The following TNFSF8 variants were observed in gnomAD, a reference collection of about 807,000 sequenced individuals.
TNFSF8 encodes TNF superfamily member 8, also known as tumor necrosis factor ligand superfamily member 8.
A neutral mutation model predicts 22.0 loss-of-function variants in TNFSF8; 4 were observed. The observed-to-expected ratio is 0.18, with a 90% CI of 0.09 to 0.42. TNFSF8 has a LOEUF of 0.42. TNFSF8 is among the 10% of genes least tolerant of loss of function. TNFSF8 has a pLI of 1.00. For synonymous variants in TNFSF8, 106 were observed against 112.5 expected (o/e 0.94, Z 0.37); for missense variants, 233 against 281.8 (o/e 0.83, Z 1.24).
chr9:114,921,149 G>A (rs924792604), intron 1 of TNFSF8, among the ~76,000 whole-genome samples: 1 of 152,146 alleles, frequency 6.6e-6, no homozygotes, highest in South Asian at 2.1e-4. Flanking sequence ...TTTCAGACAT[G>A]GGATGTCAAA....
At chr9:114,908,012 G>C (rs1827805610) in intron 2 of TNFSF8, among the ~76,000 whole-genome samples, 1 of 152,150 alleles carries the variant, frequency 6.6e-6, no homozygotes, top group African/African-American at 2.4e-5. Flanking sequence ...TACCATTTAG[G>C]AATGTTGATT....
intron 2 of TNFSF8, among the ~76,000 whole-genome samples, chr9:114,914,721 G>A (rs1827897052): frequency 6.6e-6 from 1 of 151,868 alleles, no homozygotes. Context: ...CTGTCTTCTG[G>A]GTGAGAAAAC....
chr9:114,896,052 A>G (rs1018614686), intron 4 of TNFSF8, among the ~76,000 whole-genome samples: 10 of 152,244 alleles, frequency 6.6e-5, no homozygotes, highest in Non-Finnish European at 1.5e-4. Flanking sequence ...TTGCATAAGC[A>G]GCAGACAAGG....
chr9:114,905,618 A>G (rs924718243), intron 3 of TNFSF8, among the ~76,000 whole-genome samples: 1 of 152,196 alleles, frequency 6.6e-6, no homozygotes, highest in African/African-American at 2.4e-5. Flanking sequence ...GGACTGAGGA[A>G]AGAGAAGCCT....
intron 2 of TNFSF8, among the ~76,000 whole-genome samples, chr9:114,910,908 CT>C (rs1234465013): frequency 6.6e-6 from 1 of 152,202 alleles, no homozygotes; most frequent in African/African-American, 2.4e-5. Context: ...AGCTCTGGAT[CT>C]GTCATTTCCC....
chr9:114,906,258 C>G (rs917107692), intron 2 of TNFSF8, among the ~76,000 whole-genome samples: 2 of 152,078 alleles, frequency 1.3e-5, no homozygotes, highest in East Asian at 3.9e-4. Flanking sequence ...TATTAAGCCC[C>G]TTTTACAGAT....
At chr9:114,923,478 T>TTCTTTTTCTTTC (rs376484064) in intron 1 of TNFSF8, among the ~76,000 whole-genome samples, 2 of 105,698 alleles carry the variant, frequency 1.9e-5, no homozygotes, top group East Asian at 4.8e-4. Context: ...TTTTCTTTCT[T>TTCTTTTTCTTTC]TTTCTTTCTT....
At chr9:114,911,195 CTT>C (rs1242159486) in intron 2 of TNFSF8, among the ~76,000 whole-genome samples, 1 of 152,198 alleles carries the variant, frequency 6.6e-6, no homozygotes. Context: ...TGGACGGGAG[CTT>C]CTCAATTAAG....
rs182545381 is a variant in TNFSF8, at chr9:114,908,706, T to G, written c.239-2807A>C. On this transcript the variant is annotated intron_variant, in intron 2 of 3. Transcript: ENST00000223795. The stretch of plus-strand genomic sequence containing the variant: ...TCCTGAAGTCAAATGGCATGGTATA[T>G]TTTAGTTTTTCTTTAAAAATCATTT... 3.3e-5 allele frequency among the ~76,000 whole-genome samples: 5 copies of G among 152,270 alleles called. No homozygotes were observed. In the East Asian group the frequency reaches 9.7e-4, roughly 29 times the overall value.
intron 1 of TNFSF8, among the ~76,000 whole-genome samples, chr9:114,921,706 G>A (rs1230781322): frequency 6.6e-6 from 1 of 152,216 alleles, no homozygotes; most frequent in Admixed American, 6.5e-5. Flanking sequence ...CTCAGGAAAT[G>A]TGAACTATCT....
At chr9:114,921,864 G>A (rs1827992453) in intron 1 of TNFSF8, among the ~76,000 whole-genome samples, 1 of 152,190 alleles carries the variant, frequency 6.6e-6, no homozygotes, top group East Asian at 1.9e-4. Flanking sequence ...ACTTCCTTAA[G>A]TGTACTTCCT....
downstream of TNFSF8, among the ~76,000 whole-genome samples, chr9:114,897,330 G>A (rs1044190220): frequency 1.3e-5 from 2 of 151,578 alleles, no homozygotes; most frequent in South Asian, 2.1e-4. Flanking sequence ...TATGTTTAAA[G>A]TGGTTTTCTT....
chr9:114,911,002 G>C (rs1167926688), intron 2 of TNFSF8, among the ~76,000 whole-genome samples: 7 of 152,208 alleles, frequency 4.6e-5, no homozygotes, highest in African/African-American at 1.7e-4. Flanking sequence ...AAGATGCAAT[G>C]AGACCGTGGA....
At position 114,929,903 on chromosome 9, in the gene TNFSF8, G is replaced by GTATAA. The variant is rs958430588; in HGVS notation, c.195+201_195+205dup. Among the ~76,000 whole-genome samples, 173 of 146,180 alleles carry GTATAA rather than the reference G, an allele frequency of 1.2e-3. 1 individual carries two copies. Among genetic ancestry groups the GTATAA allele is most frequent in the Middle Eastern group, 3.6e-3 (1 of 280 alleles). On this transcript the variant is annotated intron_variant, in intron 1 of 3. Coordinates refer to ENST00000223795, the MANE Select transcript of TNFSF8 (RefSeq NM_001244.4). ...TATATATATATATATAATATATACT[G>GTATAA]TATAATATAATATATATTATGTAAC...
At chr9:114,908,177 G>A (rs943854478) in intron 2 of TNFSF8, among the ~76,000 whole-genome samples, 1 of 152,172 alleles carries the variant, frequency 6.6e-6, no homozygotes, top group African/African-American at 2.4e-5. Flanking sequence ...AACCCTCAGG[G>A]CAGAGACTCC....
chr9:114,918,136 G>A lies in TNFSF8; in HGVS notation c.198C>T (p.Asp66=). The A allele has an allele frequency of 1.2e-6, 2 of 1,604,308 alleles. No individual in the cohort carries two copies. The highest frequency in any genetic ancestry group is 8.5e-7 in the Non-Finnish European group (1 of 1,175,704). ...TIMVLVVQRT[D]SIPNSPDNVP... ...CGTTGTCAGGTGAGTTGGGAATGGA[G>A]TCCTGGAAGAAAAGAAAGAAAAAAG... Residue 66 remains aspartate, a splice_region_variant and synonymous_variant, in exon 2 of 4, where the codon GAC becomes GAT. Transcript: ENST00000223795.
chr9:114,893,966 A>G, exon 5 of TNFSF8: 1 of 825,582 alleles, frequency 1.2e-6, no homozygotes, highest in Non-Finnish European at 2.0e-6. Context: ...TTTCCTGGCT[A>G]TGTCGGTTTA....
intron 2 of TNFSF8, among the ~76,000 whole-genome samples, chr9:114,915,117 T>C (rs910702023): frequency 6.6e-6 from 1 of 152,182 alleles, no homozygotes; most frequent in Admixed American, 6.5e-5. Context: ...CAAGAGTACC[T>C]GAAAGATGGT....
rs1381456300 is a variant in TNFSF8 at position 114,904,144 on chromosome 9, G to T, written c.492C>A (p.Ile164=). Residue 164 remains isoleucine (I), a synonymous_variant, in exon 4 of 4, where the codon ATC becomes ATA. Transcript: ENST00000223795. ...NSVDLKLELL[I]NKHIKKQALV... is the part of the protein sequence containing the mutation. The stretch of plus-strand genomic sequence containing the variant: ...GGGCCTGTTTTTTGATATGCTTGTT[G>T]ATGAGAAGCTCCAACTTCAGATCGA... The T allele has an allele frequency of 1.2e-6, 2 of 1,614,066 alleles. No individual in the cohort carries two copies. Among genetic ancestry groups the T allele is most frequent in the Non-Finnish European group, 1.7e-6 (2 of 1,179,972 alleles).
Sources: allele counts gnomAD v4.1 joint callset (sites outside exome capture counted in the v4.1 genomes callset), GRCh38; gene constraint gnomAD v4.1.1; transcripts MANE v1.5; gene names NCBI Gene and HGNC (gene_info 2026-07-23, HGNC 2026-07-21).